KCNIP3: variants seen among roughly 807,000 people sequenced by gnomAD.
The protein encoded by KCNIP3 is calsenilin.
In KCNIP3, 28 loss-of-function variants were observed where a neutral mutation model predicts 35.0. The observed-to-expected ratio is 0.80, with a 90% CI of 0.59 to 1.10. The LOEUF (loss-of-function observed/expected upper bound fraction) is 1.10, where lower values mean the gene tolerates loss of function less well. KCNIP3 is among the 50% of genes least tolerant of loss of function. The pLI is 0.00. For synonymous variants in KCNIP3, 134 were observed against 133.8 expected (o/e 1.00, Z -0.01); for missense variants, 295 against 338.4 (o/e 0.87, Z 1.01).
chr2:95,326,004 GACAC>G (rs971029011), intron 2 of KCNIP3, among the ~76,000 whole-genome samples: 3 of 129,152 alleles, frequency 2.3e-5, no homozygotes, highest in African/African-American at 3.0e-5. Flanking sequence ...CACACACTCA[GACAC>G]ACACATACAC....
Position 95,378,722 on chromosome 2 carries a change from G to T in KCNIP3, c.448-2874G>T, listed in dbSNP as rs1680263562. ...AGATTGCACCACTGTACTCCATCCA[G>T]CCTGGGTGACAGAGTGAGACTCAAT... On this transcript the variant is annotated intron_variant, in intron 5 of 8. Coordinates refer to ENST00000295225, the MANE Select transcript of KCNIP3 (RefSeq NM_013434.5). The surrounding 1 kb of genome is among the most constrained non-coding windows in gnomAD (Gnocchi z 4.0). 6.6e-6 allele frequency among the ~76,000 whole-genome samples: 1 copy of T among 151,448 alleles called. No homozygotes were observed. Among genetic ancestry groups the T allele is most frequent in the Non-Finnish European group, 1.5e-5 (1 of 67,928 alleles).
At chr2:95,374,086 G>GT (rs1680107033) in intron 2 of KCNIP3, among the ~76,000 whole-genome samples, 1 of 152,256 alleles carries the variant, frequency 6.6e-6, no homozygotes, top group African/African-American at 2.4e-5. Flanking sequence ...GGCCCGCCCT[G>GT]TGGGGGGCAG....
intron 2 of KCNIP3, among the ~76,000 whole-genome samples, chr2:95,315,081 T>C (rs1336156927): frequency 6.6e-6 from 1 of 152,020 alleles, no homozygotes; most frequent in East Asian, 1.9e-4. Context: ...TATTCCGTGG[T>C]GAAATGAGTC....
intron 2 of KCNIP3, among the ~76,000 whole-genome samples, chr2:95,322,692 A>G (rs1678626372): frequency 1.3e-5 from 2 of 152,274 alleles, no homozygotes; most frequent in Admixed American, 1.3e-4. Context: ...AAGGATTTTC[A>G]AGGTCTAGAC....
chr2:95,310,779 G>T, intron 2 of KCNIP3: 1 of 505,286 alleles, frequency 2.0e-6, no homozygotes, highest in South Asian at 2.1e-5. Flanking sequence ...TTTTCCAGTT[G>T]GCTAGGAAGA....
Position 95,382,346 on chromosome 2 carries a change from G to A in KCNIP3, c.556-31G>A. 3 of 1,488,542 alleles carry A rather than the reference G, an allele frequency of 2.0e-6. No individual in the cohort carries two copies. Among genetic ancestry groups the A allele is most frequent in the Non-Finnish European group, 2.7e-6 (3 of 1,099,236 alleles). The allele number at this position is 1,488,542 out of a possible 1,614,324, so 92.2% of individuals were successfully genotyped here. On this transcript the variant is annotated intron_variant, in intron 6 of 8. Coordinates refer to ENST00000295225, the MANE Select transcript of KCNIP3 (RefSeq NM_013434.5). This position sits in a 1 kb window ranked among gnomAD's most constrained non-coding sequence, Gnocchi z 4.5. ...GGGCCCTCACAGCCACCCCGGCCTT[G>A]CAGCAGGCTCATGCCAGCCTCCCCC...
chr2:95,338,821 A>C (rs1290940239), intron 2 of KCNIP3, among the ~76,000 whole-genome samples: 1 of 152,210 alleles, frequency 6.6e-6, no homozygotes, highest in Non-Finnish European at 1.5e-5. Flanking sequence ...GGAAATCAAG[A>C]CATATTGGTG....
intron 2 of KCNIP3, among the ~76,000 whole-genome samples, chr2:95,325,762 TACAC>T (rs1046636837): frequency 7.2e-6 from 1 of 138,582 alleles, no homozygotes; most frequent in Admixed American, 7.1e-5. Context: ...CATACACACA[TACAC>T]ACTCATATAC....
At chr2:95,302,632 G>C (rs1678066897) in intron 1 of KCNIP3, among the ~76,000 whole-genome samples, 1 of 152,232 alleles carries the variant, frequency 6.6e-6, no homozygotes, top group Non-Finnish European at 1.5e-5. Context: ...CCTTAACCCT[G>C]TGAGGGCACA....
At chr2:95,321,642 C>T (rs979862145) in intron 2 of KCNIP3, among the ~76,000 whole-genome samples, 19 of 152,176 alleles carry the variant, frequency 1.2e-4, no homozygotes, top group Admixed American at 6.5e-4. Flanking sequence ...AACGACAGAG[C>T]TGATTTAAGA....
intron 2 of KCNIP3, among the ~76,000 whole-genome samples, chr2:95,346,379 G>A (rs955786583): frequency 2.6e-5 from 4 of 151,472 alleles, no homozygotes; most frequent in Admixed American, 1.3e-4. Context: ...CGACCGCGCG[G>A]CCTCCAGGGG....
intron 2 of KCNIP3, among the ~76,000 whole-genome samples, chr2:95,330,218 C>T (rs919390055): frequency 1.8e-4 from 28 of 152,268 alleles, no homozygotes; most frequent in African/African-American, 5.3e-4. Flanking sequence ...TGGGGCATCT[C>T]GAGGTGACAG....
Position 95,375,314 on chromosome 2 carries a change from G to A in KCNIP3, c.447+106G>A, listed in dbSNP as rs1171604736. The A allele has an allele frequency of 3.8e-6, 4 of 1,047,752 alleles. No homozygotes were observed. The African/African-American group carries it at 4.7e-5, about 12-fold the overall frequency. 64.9% of individuals were successfully genotyped at this position (1,047,752 alleles called of 1,614,324 possible). ...GCTGTCGAGAGAGCCATGGTCCTGG[G>A]TGGGAAGGATCTTGTGAGTCACCCT... is the stretch of plus-strand genomic sequence containing the variant. On this transcript the variant is annotated intron_variant, in intron 5 of 8. Coordinates refer to ENST00000295225, the MANE Select transcript of KCNIP3 (RefSeq NM_013434.5).
rs1319163923 is a variant in KCNIP3 at position 95,374,902 on chromosome 2, T to A, written c.361T>A (p.Phe121Ile). 10 of 1,614,028 alleles carry A rather than the reference T, an allele frequency of 6.2e-6. No homozygotes were observed. Among genetic ancestry groups the A allele is most frequent in the Non-Finnish European group, 8.5e-6 (10 of 1,179,992 alleles). ...EDTFKLIYAQ[F>I]FPQGDATTYA... ...CACCTTCAAACTCATTTACGCGCAG[T>A]TCTTCCCTCAGGGAGGTGAGTCTGA... The change falls in exon 4 of 9, where the codon TTC becomes ATC. Residue 121 changes from phenylalanine (F) to isoleucine (I), a missense_variant. Transcript: ENST00000295225.
intron 2 of KCNIP3, among the ~76,000 whole-genome samples, chr2:95,317,099 G>T (rs1678475951): frequency 6.6e-6 from 1 of 152,210 alleles, no homozygotes; most frequent in Non-Finnish European, 1.5e-5. Flanking sequence ...AGAGGTCAGA[G>T]GTCAAGAGAC....
At position 95,309,032 on chromosome 2, in the gene KCNIP3, A is replaced by G. The variant is rs371688988; in HGVS notation, c.16-1323A>G. 1.2e-4 allele frequency among the ~76,000 whole-genome samples: 19 copies of G among 152,258 alleles called. No homozygotes were observed. In the East Asian group the frequency reaches 3.5e-3, roughly 28 times the overall value. On this transcript the variant is annotated intron_variant, in intron 1 of 8. Transcript: ENST00000295225. ...TGGCCAAGGAACCCAACTGCTCAGA[A>G]CACATATGCATGTGGGGGTGGTGCC...
chr2:95,384,259 G>A lies in KCNIP3; in HGVS notation c.*210G>A. The stretch of plus-strand genomic sequence containing the variant: ...CAGAGTTCAGGGAGGGGCTGAGTCT[G>A]GCTAGGGGCCGAGTCCAGGAGCCCC... On this transcript the variant is annotated 3_prime_UTR_variant, in exon 9 of 9. Transcript: ENST00000295225. 8.7e-6 allele frequency: 5 copies of A among 575,498 alleles called. No homozygotes were observed. The highest frequency in any genetic ancestry group is 9.3e-6 in the Non-Finnish European group (3 of 322,610). The allele number at this position is 575,498 out of a possible 1,614,324, so 35.6% of individuals were successfully genotyped here.
chr2:95,300,817 C>T (rs111998380), intron 1 of KCNIP3, among the ~76,000 whole-genome samples: 5,145 of 152,312 alleles, frequency 0.034, 146 homozygotes, highest in Middle Eastern at 0.11. Flanking sequence ...ACACTAGAGT[C>T]GGCCCAGCCT....
chr2:95,370,967 C>T (rs1251530787), intron 2 of KCNIP3, among the ~76,000 whole-genome samples: 1 of 152,172 alleles, frequency 6.6e-6, no homozygotes, highest in Middle Eastern at 3.4e-3. Flanking sequence ...CAGGGTTTCG[C>T]CATGTTGGCC....
Sources: gnomAD v4.1 joint callset for allele counts (sites outside exome capture counted in the v4.1 genomes callset) on GRCh38, gnomAD v4.1.1 for gene constraint, Gnocchi (gnomAD v3.1) non-coding constraint, MANE v1.5 for transcripts, NCBI Gene and HGNC (gene_info 2026-07-23, HGNC 2026-07-21) for gene names.